Variants in ITGBL1 observed in about 807,000 individuals in gnomAD.
The protein encoded by ITGBL1 is integrin beta-like protein 1.
A neutral mutation model predicts 68.5 loss-of-function variants in ITGBL1; 51 were observed. That is an observed-to-expected ratio of 0.74 (90% confidence interval 0.59 to 0.94). ITGBL1 has a LOEUF of 0.94. Among genes scored for constraint, ITGBL1 ranks in the 40% least tolerant of loss-of-function variants. ITGBL1 has a pLI of 0.00. For missense variants in ITGBL1, 649 were observed against 647.4 expected (o/e 1.00, Z -0.03); for synonymous variants, 209 against 227.3 (o/e 0.92, Z 0.72).
chr13:101,715,554 T>G lies in ITGBL1; in HGVS notation c.1394-9T>G, dbSNP rs1243317850. ...CATAATCATGATACCTATATGTATT[T>G]TATTGCAGGGAATGGAATATGTAGC... On this transcript the variant is annotated splice_polypyrimidine_tract_variant and intron_variant, in intron 10 of 10. Transcript: ENST00000376180. 1 of 1,595,170 alleles carries G rather than the reference T, an allele frequency of 6.3e-7. No homozygotes were observed. The highest frequency in any genetic ancestry group is 8.6e-7 in the Non-Finnish European group (1 of 1,162,804).
At chr13:101,479,587 A>G (rs1013576901) in intron 2 of ITGBL1, among the ~76,000 whole-genome samples, 8 of 151,622 alleles carry the variant, frequency 5.3e-5, no homozygotes, top group African/African-American at 1.9e-4. Context: ...TCAAGAATAT[A>G]TAAGAAGCCC....
chr13:101,545,180 G>A (rs1034981311), intron 2 of ITGBL1, among the ~76,000 whole-genome samples: 7 of 152,134 alleles, frequency 4.6e-5, no homozygotes, highest in African/African-American at 1.7e-4. Flanking sequence ...GTTCCTATTT[G>A]GCCATCTTGG....
At chr13:101,568,432 T>A (rs183553229) in intron 3 of ITGBL1, among the ~76,000 whole-genome samples, 49 of 152,294 alleles carry the variant, frequency 3.2e-4, no homozygotes, top group Non-Finnish European at 6.5e-4. Flanking sequence ...TAGGTTTCAA[T>A]GGTATTTAGC....
intron 7 of ITGBL1, among the ~76,000 whole-genome samples, chr13:101,606,413 G>A (rs1540459): frequency 0.99 from 150,584 of 151,472 alleles, 74,851 homozygotes; most frequent in Middle Eastern, 1. Flanking sequence ...GCCATTATAG[G>A]TATAAAGACA....
downstream of ITGBL1, chr13:101,720,546 GTGTGTGTGTGTGTGTGTGTATA>G (rs890872967): frequency 4.6e-5 from 7 of 151,224 alleles, no homozygotes; most frequent in African/African-American, 1.5e-4. Context: ...GTGTGTGTGT[GTGTGTGTGTGTGTGTGTGTATA>G]TGTGTGTGTT....
At chr13:101,654,935 A>G (rs1302248207) in intron 7 of ITGBL1, among the ~76,000 whole-genome samples, 1 of 152,148 alleles carries the variant, frequency 6.6e-6, no homozygotes, top group Non-Finnish European at 1.5e-5. Context: ...GATAAAAGCA[A>G]TGTTCAGAGA....
intron 2 of ITGBL1, among the ~76,000 whole-genome samples, chr13:101,526,503 A>G (rs2049381416): frequency 1.3e-5 from 2 of 152,164 alleles, no homozygotes; most frequent in Non-Finnish European, 2.9e-5. Flanking sequence ...GTATGCAGCC[A>G]TAAAAAAGGA....
At chr13:101,603,114 C>G (rs1054076251) in intron 7 of ITGBL1, among the ~76,000 whole-genome samples, 3 of 151,920 alleles carry the variant, frequency 2.0e-5, no homozygotes, top group Non-Finnish European at 2.9e-5. Context: ...ATTGCTGGGT[C>G]ATAGAGTGAC....
At chr13:101,699,175 T>G (rs2034073594) in intron 8 of ITGBL1, among the ~76,000 whole-genome samples, 2 of 152,184 alleles carry the variant, frequency 1.3e-5, no homozygotes, top group Admixed American at 6.5e-5. Context: ...CATCTTAAAA[T>G]TGCACACCTG....
At chr13:101,464,764 A>ACATACATATATATGTGTGTTTG (rs2048361313) in intron 2 of ITGBL1, among the ~76,000 whole-genome samples, 1 of 152,142 alleles carries the variant, frequency 6.6e-6, no homozygotes, top group African/African-American at 2.4e-5. Flanking sequence ...ATGTGCACAA[A>ACATACATATATATGTGTGTTTG]CATACATATA....
chr13:101,653,870 GTTT>G (rs1156397350), intron 7 of ITGBL1, among the ~76,000 whole-genome samples: 1 of 55,132 alleles, frequency 1.8e-5, no homozygotes, highest in Non-Finnish European at 4.1e-5. Flanking sequence ...TTTGTTTTTT[GTTT>G]TTTTTTTTTT....
intron 2 of ITGBL1, among the ~76,000 whole-genome samples, chr13:101,465,678 T>C (rs1029703723): frequency 5.9e-5 from 9 of 152,188 alleles, no homozygotes; most frequent in Admixed American, 2.0e-4. Context: ...TTTCCACTTA[T>C]CTACTATGTG....
At chr13:101,539,460 A>G (rs9554797) in intron 2 of ITGBL1, among the ~76,000 whole-genome samples, 32,361 of 151,946 alleles carry the variant, frequency 0.21, 3,729 homozygotes, top group East Asian at 0.44. Context: ...ATTGTTGGAC[A>G]TTTGGGTTGG....
intron 9 of ITGBL1, among the ~76,000 whole-genome samples, chr13:101,710,264 C>T (rs761012519): frequency 6.6e-6 from 1 of 152,144 alleles, no homozygotes; most frequent in Non-Finnish European, 1.5e-5. Context: ...GTTAGTGGAC[C>T]GGCCTCCGGA....
At chr13:101,705,381 A>T (rs1244370316) in intron 8 of ITGBL1, among the ~76,000 whole-genome samples, 1 of 151,848 alleles carries the variant, frequency 6.6e-6, no homozygotes, top group East Asian at 1.9e-4. Flanking sequence ...CTCAGTGATC[A>T]AAAACCTTTT....
At chr13:101,493,544 G>C (rs555328086) in intron 2 of ITGBL1, among the ~76,000 whole-genome samples, 1 of 151,958 alleles carries the variant, frequency 6.6e-6, no homozygotes, top group Admixed American at 6.6e-5. Flanking sequence ...TTCTTTGTCC[G>C]GGACGTGCTT....
chr13:101,557,408 G>C (rs993693899), intron 2 of ITGBL1, among the ~76,000 whole-genome samples: 1 of 152,088 alleles, frequency 6.6e-6, no homozygotes, highest in Non-Finnish European at 1.5e-5. Context: ...TGTGCATGTC[G>C]TTCTTCATTT....
intron 2 of ITGBL1, among the ~76,000 whole-genome samples, chr13:101,555,318 A>G (rs1280616234): frequency 6.6e-6 from 1 of 152,096 alleles, no homozygotes. Flanking sequence ...AAAATGTACA[A>G]AATAACCATT....
intron 9 of ITGBL1, among the ~76,000 whole-genome samples, chr13:101,708,398 G>A (rs2034310752): frequency 6.6e-6 from 1 of 151,904 alleles, no homozygotes; most frequent in African/African-American, 2.4e-5. Flanking sequence ...GCACAGCTCT[G>A]GCTGAAGCTT....
Sources: allele counts gnomAD v4.1 joint callset (sites outside exome capture counted in the v4.1 genomes callset), GRCh38; gene constraint gnomAD v4.1.1; transcripts MANE v1.5; gene names NCBI Gene and HGNC (gene_info 2026-07-23, HGNC 2026-07-21).